The following GPR137 variants were observed in gnomAD, a reference collection of about 807,000 sequenced individuals.
GPR137 encodes the protein G protein-coupled receptor 137, also known as integral membrane protein GPR137.
A neutral mutation model predicts 38.9 loss-of-function variants in GPR137; 20 were observed. That is an observed-to-expected ratio of 0.51 (90% confidence interval 0.36 to 0.75). GPR137 has a LOEUF of 0.75. Among genes scored for constraint, GPR137 ranks in the 30% least tolerant of loss-of-function variants. The probability of loss-of-function intolerance (pLI) is 0.00; values close to 1 mark genes in which losing one functional copy is unlikely to be tolerated. For synonymous variants in GPR137, 226 were observed against 235.8 expected (o/e 0.96, Z 0.38); for missense variants, 456 against 526.4 (o/e 0.87, Z 1.31).
upstream of GPR137, among the ~76,000 whole-genome samples, chr11:64,272,084 G>A (rs118013952): frequency 2.0e-3 from 306 of 152,318 alleles, 1 homozygote; most frequent in Non-Finnish European, 3.3e-3. Context: ...AAGGGCATAA[G>A]AAATACTAGT....
upstream of GPR137, chr11:64,271,823 A>T (rs756919548): frequency 2.2e-6 from 3 of 1,373,386 alleles, no homozygotes; most frequent in Middle Eastern, 2.0e-4. Context: ...GTCAGTGGGT[A>T]GGGGGGCGAC....
upstream of GPR137, chr11:64,284,324 G>A (rs2033697404): frequency 1.2e-6 from 2 of 1,612,690 alleles, no homozygotes; most frequent in Non-Finnish European, 1.7e-6. Context: ...CTGCAGAGCT[G>A]GAGTCTTCCT....
At chr11:64,284,100 G>A (rs906569739), upstream of GPR137, 8 of 1,467,994 alleles carry the variant, frequency 5.4e-6, no homozygotes, top group African/African-American at 2.8e-5. Context: ...AGCATTCAGT[G>A]CCTGTGGATG....
upstream of GPR137, among the ~76,000 whole-genome samples, chr11:64,279,678 G>C (rs2033303068): frequency 6.6e-6 from 1 of 151,298 alleles, no homozygotes; most frequent in Non-Finnish European, 1.5e-5. Context: ...CAGGAGAATG[G>C]CATGAACCCA....
upstream of GPR137, chr11:64,271,802 G>A (rs754351648): frequency 7.1e-7 from 1 of 1,400,468 alleles, no homozygotes; most frequent in Non-Finnish European, 9.3e-7. Context: ...CAGCCCCAGC[G>A]CCTGCAGAGG....
chr11:64,280,503 C>G (rs1218371014), upstream of GPR137, among the ~76,000 whole-genome samples: 7 of 147,982 alleles, frequency 4.7e-5, no homozygotes, highest in Non-Finnish European at 1.0e-4. Context: ...AGGCACCCAC[C>G]ACCACGCCCG....
In GPR137 at chr11:64,286,383, C is replaced by T. The variant is rs2034058322; in HGVS notation, c.-142C>T. The stretch of plus-strand genomic sequence containing the variant: ...GGTCTCTCTGTTGAGGAGGAGGGGC[C>T]TGTCAGCCACAACTTCTTTCCTCCT... On this transcript the variant is annotated 5_prime_UTR_variant, in exon 1 of 7. Transcript: ENST00000438980. The T allele has an allele frequency of 9.8e-6, 14 of 1,429,640 alleles. No individual in the cohort carries two copies. The highest frequency in any genetic ancestry group is 2.9e-5 in the African/African-American group (2 of 69,514). The allele number at this position is 1,429,640 out of a possible 1,614,324, so 88.6% of individuals were successfully genotyped here.
upstream of GPR137, chr11:64,285,469 C>A (rs2033857619): frequency 8.1e-6 from 8 of 984,440 alleles, no homozygotes; most frequent in Non-Finnish European, 8.4e-6. Context: ...GGGCGGGGCC[C>A]GGGGGCCATC....
chr11:64,284,514 C>T, upstream of GPR137: 2 of 1,548,752 alleles, frequency 1.3e-6, no homozygotes, highest in South Asian at 2.3e-5. Context: ...CCTCATCTGT[C>T]TGCCGGGTCT....
chr11:64,274,678 A>C (rs1195945201), upstream of GPR137, among the ~76,000 whole-genome samples: 1 of 152,012 alleles, frequency 6.6e-6, no homozygotes, highest in Admixed American at 6.6e-5. Flanking sequence ...AAAATTAGCC[A>C]GGTGTGGTGG....
Position 64,286,242 on chromosome 11 carries a change from C to T in GPR137, c.-283C>T. On this transcript the variant is annotated 5_prime_UTR_variant, in exon 1 of 7. Coordinates refer to ENST00000438980, the MANE Select transcript of GPR137 (RefSeq NM_001170880.2). Reference sequence around the variant, plus strand: ...CCCATCCTTGGCTCTGGGGTAGGCCCAGGGAGGAGACACCCCCAACCCCTA... The same window carrying T: ...CCCATCCTTGGCTCTGGGGTAGGCCTAGGGAGGAGACACCCCCAACCCCTA... 1 of 1,258,528 alleles carries T rather than the reference C, an allele frequency of 7.9e-7. No individual in the cohort carries two copies. Among genetic ancestry groups the T allele is most frequent in the South Asian group, 2.6e-5 (1 of 38,540 alleles). The allele number at this position is 1,258,528 out of a possible 1,614,324, so 78.0% of individuals were successfully genotyped here. A position where few individuals can be genotyped will look rare whatever the true frequency, so the allele number is the denominator to read the frequency against.
Position 64,289,207 on chromosome 11 carries a change from TC to T in GPR137, c.*16del, listed in dbSNP as rs763190870. 1 of 1,226,894 alleles carries T rather than the reference TC, an allele frequency of 8.2e-7. No homozygotes were observed. The highest frequency in any genetic ancestry group is 1.1e-6 in the Non-Finnish European group (1 of 881,052). The allele number at this position is 1,226,894 out of a possible 1,614,324, so 76.0% of individuals were successfully genotyped here. A position where few individuals can be genotyped will look rare whatever the true frequency, so the allele number is the denominator to read the frequency against. On this transcript the variant is annotated 3_prime_UTR_variant, in exon 7 of 7. Coordinates refer to ENST00000438980, the MANE Select transcript of GPR137 (RefSeq NM_001170880.2). The stretch of plus-strand genomic sequence containing the variant: ...ACCCCACAGACGTGATCCCCCTCCC[TC>T]CCCCACAGAATACCCAGGCCCCAGT...
intron 2 of GPR137, 179 bp downstream of exon 2, chr11:64,287,193 G>T: frequency 1.0e-6 from 1 of 985,326 alleles, no homozygotes; most frequent in South Asian, 4.7e-5. Flanking sequence ...TTGCAGATCT[G>T]CAAGGCACAG....
At chr11:64,285,110 G>A (rs1175076301), upstream of GPR137, 26 of 1,053,618 alleles carry the variant, frequency 2.5e-5, no homozygotes, top group Non-Finnish European at 2.4e-5. Context: ...TCAGCCGTCG[G>A]ATGTGATTAT....
At chr11:64,284,844 T>G (rs2033773094), upstream of GPR137, 2 of 1,493,484 alleles carry the variant, frequency 1.3e-6, no homozygotes, top group Non-Finnish European at 1.8e-6. Flanking sequence ...TCCTTTTTCC[T>G]CCCTCCTTCG....
At chr11:64,276,080 T>C (rs1280238169) in intron 1 of GPR137, among the ~76,000 whole-genome samples, 1 of 152,136 alleles carries the variant, frequency 6.6e-6, no homozygotes, top group Non-Finnish European at 1.5e-5. Flanking sequence ...CAGCTGTACC[T>C]TGGGCTGCCT....
chr11:64,285,280 T>C (rs1829901520), upstream of GPR137: 3 of 985,592 alleles, frequency 3.0e-6, no homozygotes, highest in South Asian at 4.6e-5. Flanking sequence ...ACCTCCTCCC[T>C]GGCTGGGATG....
upstream of GPR137, chr11:64,284,454 T>C: frequency 6.2e-7 from 1 of 1,600,084 alleles, no homozygotes; most frequent in East Asian, 2.2e-5. Flanking sequence ...CAGGTACCCC[T>C]GGCTTCCTCT....
At chr11:64,286,919 G>A (rs2135185953) in intron 1 of GPR137, 38 bp downstream of exon 1, 1 of 1,612,444 alleles carries the variant, frequency 6.2e-7, no homozygotes, top group Non-Finnish European at 8.5e-7. Context: ...GCGGGAGGTG[G>A]CAAGCCTCAA....
Sources: allele counts gnomAD v4.1 joint callset (sites outside exome capture counted in the v4.1 genomes callset), GRCh38; gene constraint gnomAD v4.1.1; transcripts MANE v1.5; gene names NCBI Gene and HGNC (gene_info 2026-07-23, HGNC 2026-07-21).